Variants in NDUFAF2 observed in about 807,000 individuals in gnomAD.
The protein encoded by NDUFAF2 is NADH dehydrogenase [ubiquinone] 1 alpha subcomplex assembly factor 2.
In NDUFAF2, 13 loss-of-function variants were observed where a neutral mutation model predicts 22.8. The observed-to-expected ratio is 0.57, with a 90% CI of 0.37 to 0.91. NDUFAF2 has a LOEUF of 0.91. Ranked by LOEUF, NDUFAF2 falls within the 40% of genes least tolerant of loss-of-function variation. The pLI is 0.01. For synonymous variants in NDUFAF2, 53 were observed against 64.2 expected, an observed-to-expected ratio of 0.83 and a Z score of 0.84; for missense variants, 162 against 195.2, an observed-to-expected ratio of 0.83 and a Z score of 1.01.
intron 2 of NDUFAF2, 123 bp from the exon 3 acceptor site, chr5:61,098,869 C>G (rs991622862): frequency 3.3e-6 from 2 of 602,888 alleles, no homozygotes; most frequent in Non-Finnish European, 5.9e-6. Context: ...CTGTTTTATT[C>G]CCTGCTGTAT....
chr5:60,951,572 A>G (rs1477429432), intron 1 of NDUFAF2, among the ~76,000 whole-genome samples: 10 of 152,202 alleles, frequency 6.6e-5, no homozygotes. Context: ...GTCATGATGC[A>G]TTATCCTTTT....
chr5:61,009,426 C>T (rs1472184820), intron 1 of NDUFAF2, among the ~76,000 whole-genome samples: 4 of 152,064 alleles, frequency 2.6e-5, no homozygotes, highest in Non-Finnish European at 5.9e-5. Context: ...CCCTCAAGAG[C>T]ATCTCAAGAG....
chr5:61,008,379 AGATT>A (rs965489874), intron 1 of NDUFAF2, among the ~76,000 whole-genome samples: 2 of 152,150 alleles, frequency 1.3e-5, no homozygotes, highest in Admixed American at 6.6e-5. Context: ...TTTGTAAGAA[AGATT>A]AACAAGCAAG....
intron 3 of NDUFAF2, among the ~76,000 whole-genome samples, chr5:61,125,467 C>A (rs1462503564): frequency 6.6e-6 from 1 of 152,006 alleles, no homozygotes; most frequent in African/African-American, 2.4e-5. Flanking sequence ...ATCTCAAAAT[C>A]TTTTGCATCA....
chr5:60,998,600 G>A (rs1485061155), intron 1 of NDUFAF2, among the ~76,000 whole-genome samples: 1 of 151,992 alleles, frequency 6.6e-6, no homozygotes, highest in Non-Finnish European at 1.5e-5. Context: ...TATAAAATGT[G>A]ATGGGGTTCG....
chr5:61,089,998 T>A (rs1752547652), intron 2 of NDUFAF2, among the ~76,000 whole-genome samples: 1 of 152,038 alleles, frequency 6.6e-6, no homozygotes, highest in Non-Finnish European at 1.5e-5. Flanking sequence ...GAGTTGTTTT[T>A]CTCATGGTGA....
chr5:61,055,536 C>A (rs1271379190), intron 1 of NDUFAF2, among the ~76,000 whole-genome samples: 1 of 152,174 alleles, frequency 6.6e-6, no homozygotes, highest in Non-Finnish European at 1.5e-5. Flanking sequence ...CCAAATTATG[C>A]ATTATCTTTC....
At chr5:61,085,266 C>A (rs1752492496) in intron 2 of NDUFAF2, among the ~76,000 whole-genome samples, 1 of 152,068 alleles carries the variant, frequency 6.6e-6, no homozygotes, top group African/African-American at 2.4e-5. Flanking sequence ...CATTTATATT[C>A]AGCATAATAA....
At chr5:61,001,835 C>T (rs1192085099) in intron 1 of NDUFAF2, among the ~76,000 whole-genome samples, 1 of 152,110 alleles carries the variant, frequency 6.6e-6, no homozygotes, top group African/African-American at 2.4e-5. Flanking sequence ...CACAGCAATG[C>T]TGCTGGCCCA....
chr5:61,068,549 A>G (rs1446205163), intron 1 of NDUFAF2, among the ~76,000 whole-genome samples: 1 of 152,150 alleles, frequency 6.6e-6, no homozygotes, highest in East Asian at 1.9e-4. Flanking sequence ...ATTAGTTACA[A>G]TAGTCTGAAA....
At chr5:61,053,748 G>T (rs1027013577) in intron 1 of NDUFAF2, among the ~76,000 whole-genome samples, 3 of 152,028 alleles carry the variant, frequency 2.0e-5, no homozygotes, top group Non-Finnish European at 2.9e-5. Flanking sequence ...AAACAATAAA[G>T]AATAGACATC....
At chr5:61,019,824 C>T (rs1751555729) in intron 1 of NDUFAF2, among the ~76,000 whole-genome samples, 1 of 151,978 alleles carries the variant, frequency 6.6e-6, no homozygotes, top group Non-Finnish European at 1.5e-5. Flanking sequence ...ATTATGTTCA[C>T]CTCTTAAAAA....
chr5:60,963,489 A>C (rs1214665262), intron 1 of NDUFAF2, among the ~76,000 whole-genome samples: 1 of 152,098 alleles, frequency 6.6e-6, no homozygotes, highest in Non-Finnish European at 1.5e-5. Flanking sequence ...TGCATTTCCC[A>C]TTTGGATTAT....
At chr5:60,988,842 A>G (rs970705855) in intron 1 of NDUFAF2, among the ~76,000 whole-genome samples, 4 of 152,220 alleles carry the variant, frequency 2.6e-5, no homozygotes, top group African/African-American at 9.6e-5. Flanking sequence ...TGACCTAGGC[A>G]ATACCATTCT....
At chr5:61,056,945 T>A (rs1752107873) in intron 1 of NDUFAF2, among the ~76,000 whole-genome samples, 1 of 123,402 alleles carries the variant, frequency 8.1e-6, no homozygotes, top group Non-Finnish European at 1.6e-5. Flanking sequence ...TATATATATA[T>A]ATATATATTT....
Position 60,968,873 on chromosome 5 carries a change from G to C in NDUFAF2, c.127+23491G>C, listed in dbSNP as rs1451671074. ...CACCACCCCTCTACTACCCTCCCTA[G>C]CCTCTGGTAACCATCCTTTTCTGCT... On this transcript the variant is annotated intron_variant, in intron 1 of 3. Coordinates refer to ENST00000296597, the MANE Select transcript of NDUFAF2 (RefSeq NM_174889.5). Among the ~76,000 whole-genome samples the C allele has an allele frequency of 2.0e-5, 3 of 151,652 alleles. No homozygotes were observed. In the East Asian group the frequency reaches 5.8e-4, roughly 29 times the overall value.
At chr5:60,989,059 A>G (rs1384082116) in intron 1 of NDUFAF2, among the ~76,000 whole-genome samples, 2 of 152,126 alleles carry the variant, frequency 1.3e-5, no homozygotes, top group African/African-American at 4.8e-5. Context: ...AGAATCTGTA[A>G]GGAAAATTAA....
At chr5:61,074,450 GGTGGCAC>G (rs1435012482) in intron 2 of NDUFAF2, among the ~76,000 whole-genome samples, 1 of 152,180 alleles carries the variant, frequency 6.6e-6, no homozygotes, top group Non-Finnish European at 1.5e-5. Context: ...AGCTGGGCAT[GGTGGCAC>G]GTGCCTGTAG....
intron 1 of NDUFAF2, among the ~76,000 whole-genome samples, chr5:61,007,819 T>A (rs1334502685): frequency 6.6e-6 from 1 of 152,176 alleles, no homozygotes; most frequent in Non-Finnish European, 1.5e-5. Context: ...CCCAAAGGAC[T>A]ATAAGTCATG....
Sources: gnomAD v4.1 joint callset for allele counts (sites outside exome capture counted in the v4.1 genomes callset) on GRCh38, gnomAD v4.1.1 for gene constraint, MANE v1.5 for transcripts, NCBI Gene and HGNC (gene_info 2026-07-23, HGNC 2026-07-21) for gene names.